Variants in CD163L1 observed in about 807,000 individuals in gnomAD.
CD163L1 encodes CD163 molecule like 1.
CD163L1 carries 124 observed loss-of-function variants against 165.4 expected under a neutral mutation model. The observed-to-expected ratio is 0.75, with a 90% CI of 0.65 to 0.87. CD163L1 has a LOEUF of 0.87. CD163L1 is among the 40% of genes least tolerant of loss of function. CD163L1 has a pLI of 0.00. For synonymous variants in CD163L1, 585 were observed against 662.2 expected (o/e 0.88, Z 1.79); for missense variants, 1,525 against 1,799.9 (o/e 0.85, Z 2.76).
At chr12:7,378,252 C>G (rs773994485) in intron 9 of CD163L1, among the ~76,000 whole-genome samples, 2 of 152,222 alleles carry the variant, frequency 1.3e-5, no homozygotes, top group African/African-American at 4.8e-5. Context: ...AGTGAGCATC[C>G]TAATCAAAAT....
Position 7,369,730 on chromosome 12 carries a change from G to C in CD163L1, c.3731-65C>G. 1 of 1,441,998 alleles carries C rather than the reference G, an allele frequency of 6.9e-7. No homozygotes were observed. Among genetic ancestry groups the C allele is most frequent in the Non-Finnish European group, 9.5e-7 (1 of 1,050,506 alleles). The allele number at this position is 1,441,998 out of a possible 1,614,324, so 89.3% of individuals were successfully genotyped here. The stretch of plus-strand genomic sequence containing the variant: ...GAGGTTGTGGGAGAATGCTGAGGTA[G>C]AAAAACTTGAAAGTAGCAAATGTGC... On this transcript the variant is annotated intron_variant, in intron 14 of 19. Coordinates refer to ENST00000313599, the MANE Select transcript of CD163L1 (RefSeq NM_174941.6). This position sits in a 1 kb window ranked among gnomAD's most constrained non-coding sequence, Gnocchi z 4.9.
intron 4 of CD163L1, among the ~76,000 whole-genome samples, chr12:7,419,435 C>T (rs1363671886): frequency 3.3e-5 from 5 of 151,760 alleles, no homozygotes; most frequent in Admixed American, 1.3e-4. Context: ...AGCATTCCCC[C>T]GAGAACTGGA....
intron 18 of CD163L1, among the ~76,000 whole-genome samples, chr12:7,358,548 C>T (rs1411179965): frequency 6.6e-6 from 1 of 152,000 alleles, no homozygotes; most frequent in Non-Finnish European, 1.5e-5. Flanking sequence ...ACAAGGGCAC[C>T]AGAAGAAATA....
At chr12:7,439,372 T>A in intron 2 of CD163L1, 1 of 1,601,604 alleles carries the variant, frequency 6.2e-7, no homozygotes, top group Non-Finnish European at 8.5e-7. Context: ...AGTTCTTCTT[T>A]GGCTTCAGAA....
intron 5 of CD163L1, among the ~76,000 whole-genome samples, chr12:7,405,852 T>A (rs1016762184): frequency 2.0e-5 from 3 of 152,194 alleles, no homozygotes; most frequent in Admixed American, 1.3e-4. Context: ...GTGGGTTTAA[T>A]CTTATTAAGA....
chr12:7,416,848 G>A (rs939294920), intron 4 of CD163L1, among the ~76,000 whole-genome samples: 2 of 152,046 alleles, frequency 1.3e-5, no homozygotes, highest in African/African-American at 4.8e-5. Context: ...AAGTCAGATA[G>A]CATGATGCCT....
At chr12:7,322,544 A>T in the CD163L1 span, 1 of 1,612,848 alleles carries the variant, frequency 6.2e-7, no homozygotes, top group South Asian at 1.1e-5. Flanking sequence ...CGGAAGTGGT[A>T]TATCTAAAGG....
chr12:7,388,554 G>A (rs1445073319), intron 8 of CD163L1, among the ~76,000 whole-genome samples: 1 of 152,018 alleles, frequency 6.6e-6, no homozygotes, highest in African/African-American at 2.4e-5. Context: ...ACCAGCCTGG[G>A]CAACACGGTG....
downstream of CD163L1, among the ~76,000 whole-genome samples, chr12:7,350,161 G>A (rs1392946887): frequency 6.6e-6 from 1 of 152,118 alleles, no homozygotes; most frequent in African/African-American, 2.4e-5. Flanking sequence ...ATCTTCATTT[G>A]CTAAAACATG....
chr12:7,344,930 C>G (rs1035815055), downstream of CD163L1, among the ~76,000 whole-genome samples: 1 of 152,176 alleles, frequency 6.6e-6, no homozygotes, highest in Non-Finnish European at 1.5e-5. Context: ...GGCAGTAGGC[C>G]CTGGGCCTGG....
At chr12:7,342,699 T>C (rs1214513240), downstream of CD163L1, among the ~76,000 whole-genome samples, 2 of 152,172 alleles carry the variant, frequency 1.3e-5, no homozygotes, top group Non-Finnish European at 2.9e-5. Context: ...AGTGGCACGA[T>C]CACGGCTCAC....
At chr12:7,408,566 G>C (rs1206173220) in intron 4 of CD163L1, among the ~76,000 whole-genome samples, 3 of 151,976 alleles carry the variant, frequency 2.0e-5, no homozygotes, top group Non-Finnish European at 4.4e-5. Context: ...GAGTAATTTG[G>C]ATATCCATCA....
chr12:7,433,733 G>A (rs955802924), intron 2 of CD163L1, 39 bp from the exon 3 acceptor site: 2 of 1,464,318 alleles, frequency 1.4e-6, no homozygotes, highest in Non-Finnish European at 1.9e-6. Context: ...AGATGGCAAA[G>A]ATTAGAAGGC....
At chr12:7,377,126 A>G (rs752726034) in intron 9 of CD163L1, among the ~76,000 whole-genome samples, 1 of 152,242 alleles carries the variant, frequency 6.6e-6, no homozygotes, top group South Asian at 2.1e-4. Flanking sequence ...CTCTTCTTCA[A>G]ACATATCAGG....
intron 14 of CD163L1, among the ~76,000 whole-genome samples, chr12:7,370,539 T>C (rs1565776912): frequency 6.6e-6 from 1 of 152,184 alleles, no homozygotes; most frequent in Non-Finnish European, 1.5e-5. Flanking sequence ...AGTAGATAAT[T>C]AACTTTTAGG....
intron 8 of CD163L1, 90 bp from the exon 9 acceptor site, chr12:7,379,388 G>T: frequency 7.7e-7 from 1 of 1,299,426 alleles, no homozygotes; most frequent in Non-Finnish European, 1.0e-6. Flanking sequence ...ACATAGACCA[G>T]TGGCCAAAAG....
Position 7,379,569 on chromosome 12 carries a change from TA to T in CD163L1, c.2051-272del, listed in dbSNP as rs761386161. 6.6e-5 allele frequency among the ~76,000 whole-genome samples: 10 copies of T among 152,320 alleles called. No homozygotes were observed. The South Asian group carries it at 2.1e-3, about 32-fold the overall frequency. The stretch of plus-strand genomic sequence containing the variant: ...TACAAAGCAAGGATATAGTTTTACT[TA>T]CAAAATCTTATCAGAGACTTAGGAT... On this transcript the variant is annotated intron_variant, in intron 8 of 19. Coordinates refer to ENST00000313599, the MANE Select transcript of CD163L1 (RefSeq NM_174941.6).
At chr12:7,426,558 G>A (rs1948547054) in intron 4 of CD163L1, among the ~76,000 whole-genome samples, 1 of 152,110 alleles carries the variant, frequency 6.6e-6, no homozygotes, top group Admixed American at 6.6e-5. Flanking sequence ...AGTGTACACT[G>A]CTCAGGTGAT....
chr12:7,396,159 G>C lies in CD163L1; in HGVS notation c.1986C>G (p.Cys662Trp). 6.2e-7 allele frequency: 1 copy of C among 1,614,122 alleles called. No homozygotes were observed. Among genetic ancestry groups the C allele is most frequent in the Non-Finnish European group, 8.5e-7 (1 of 1,180,022 alleles). Residue 662 changes from cysteine to tryptophan, a missense_variant, in exon 8 of 20, where the codon TGC becomes TGG. Physicochemically the swap from Cys to Trp is radical, Grantham distance 215. Transcript: ENST00000313599. Reference protein sequence around the residue: ...CDGDESDLWSCRNSGWGNNDC... With the variant: ...CDGDESDLWSWRNSGWGNNDC... ...CATTATTTCCCCACCCACTGTTCCT[G>C]CATGACCAGAGATCTGACTCATCTC...
Sources: allele counts gnomAD v4.1 joint callset (sites outside exome capture counted in the v4.1 genomes callset), GRCh38; gene constraint gnomAD v4.1.1; non-coding constraint Gnocchi (gnomAD v3.1); transcripts MANE v1.5; gene names NCBI Gene and HGNC (gene_info 2026-07-23, HGNC 2026-07-21).